The following ADGRL4 variants were observed in gnomAD, a reference collection of about 807,000 sequenced individuals.
ADGRL4 encodes the protein EGF, latrophilin and seven transmembrane domain containing 1.
In ADGRL4, 90 loss-of-function variants were observed where a neutral mutation model predicts 74.8. The observed-to-expected ratio is 1.20, with a 90% CI of 1.02 to 1.43. ADGRL4 has a LOEUF of 1.43. ADGRL4 is among the 40% of genes most tolerant of loss of function. The pLI, the probability that ADGRL4 is intolerant of heterozygous loss-of-function variation, is 0.00. For missense variants in ADGRL4, 881 were observed against 814.3 expected (o/e 1.08, Z -1.00); for synonymous variants, 311 against 279.2 (o/e 1.11, Z -1.14).
rs5775467 is a variant in ADGRL4 at position 78,917,615 on chromosome 1, CA to C, written c.1749+18del. The C allele has an allele frequency of 0.52, 786,425 of 1,522,438 alleles. 206,426 individuals are homozygous for C. The highest frequency in any genetic ancestry group is 0.57 in the Admixed American group (29,023 of 50,944). 94.3% of individuals were successfully genotyped at this position (1,522,438 alleles called of 1,614,324 possible). On this transcript the variant is annotated intron_variant, in intron 12 of 14. Transcript: ENST00000370742. The stretch of plus-strand genomic sequence containing the variant: ...TCATCACTTTTTTGAATTGTAATAA[CA>C]ATTTTATATATACATACAAGAATGA...
rs1175837045 is a variant in ADGRL4, at chr1:79,006,643, G to A, written c.12C>T (p.Leu4=). The change falls in exon 1 of 15, where the codon CTC becomes CTT. Residue 4 remains leucine (L), a synonymous_variant. Transcript: ENST00000370742. ...GCGCTGAGCACTCACCTAGGAGCGG[G>A]AGGCGTTTCATTGGCGGTGGCCGCA... MKR[L]PLLVVFSTLL... is the part of the protein sequence containing the mutation. 1 of 1,518,688 alleles carries A rather than the reference G, an allele frequency of 6.6e-7. No individual in the cohort carries two copies. 94.1% of individuals were successfully genotyped at this position (1,518,688 alleles called of 1,614,324 possible).
rs527499233 is a variant in ADGRL4 at position 78,979,945 on chromosome 1, C to T, written c.172+25125G>A. Among the ~76,000 whole-genome samples the T allele has an allele frequency of 1.2e-3, 181 of 151,886 alleles. 7 individuals are homozygous for T. In the South Asian group the frequency reaches 0.037, roughly 31 times the overall value. ...TACATATTGGGTACAGGGTACACTG[C>T]TTGAATCACAGGTGCACCAAAATCT... On this transcript the variant is annotated intron_variant, in intron 2 of 14. Transcript: ENST00000370742.
At chr1:78,961,011 G>A (rs185691660) in intron 2 of ADGRL4, among the ~76,000 whole-genome samples, 1 of 152,236 alleles carries the variant, frequency 6.6e-6, no homozygotes, top group African/African-American at 2.4e-5. Context: ...AATAAATTGA[G>A]TAAGTTTTTT....
chr1:78,891,831 A>T, intron 13 of ADGRL4, 139 bp from the exon 14 acceptor site: 1 of 676,426 alleles, frequency 1.5e-6, no homozygotes. Context: ...GAATTTCCAA[A>T]CTGCTAAGTT....
In ADGRL4 at chr1:78,946,380, A is replaced by C. The variant is rs1181573308; in HGVS notation, c.219T>G (p.Ala73=). 1 of 1,613,116 alleles carries C rather than the reference A, an allele frequency of 6.2e-7. No homozygotes were observed. The highest frequency in any genetic ancestry group is 1.1e-5 in the South Asian group (1 of 90,972). Residue 73 remains alanine (A), a synonymous_variant, in exon 3 of 15, where the codon GCT becomes GCG. Coordinates refer to ENST00000370742, the MANE Select transcript of ADGRL4 (RefSeq NM_022159.4). ...AACTTCCTTCTGTGTTAGTGCAATT[A>C]GCATTTTCGCCACAGGACTGAGTTA... The part of the protein sequence containing the change: ...GNLTQSCGEN[A]NCTNTEGSYY...
chr1:78,986,706 T>C (rs894252334), intron 2 of ADGRL4, among the ~76,000 whole-genome samples: 22 of 151,832 alleles, frequency 1.4e-4, no homozygotes, highest in African/African-American at 4.8e-4. Context: ...ACTTATAAAA[T>C]AACATTCAAA....
intron 2 of ADGRL4, among the ~76,000 whole-genome samples, chr1:78,960,840 G>T (rs1649937385): frequency 6.6e-6 from 1 of 152,134 alleles, no homozygotes; most frequent in South Asian, 2.1e-4. Flanking sequence ...CAATGAATCT[G>T]CAGTGCTTTG....
chr1:78,962,116 G>A (rs1649965950), intron 2 of ADGRL4, among the ~76,000 whole-genome samples: 1 of 152,078 alleles, frequency 6.6e-6, no homozygotes. Flanking sequence ...CCTGACCTCA[G>A]GTGATCCACT....
At chr1:78,950,005 C>T (rs2100698464) in intron 2 of ADGRL4, among the ~76,000 whole-genome samples, 1 of 152,160 alleles carries the variant, frequency 6.6e-6, no homozygotes, top group Middle Eastern at 3.4e-3. Context: ...GTATCCATAG[C>T]TACTGGAGAA....
intron 5 of ADGRL4, 31 bp downstream of exon 5, chr1:78,938,069 A>G (rs375748687): frequency 1.9e-6 from 3 of 1,608,112 alleles, no homozygotes; most frequent in African/African-American, 2.7e-5. Flanking sequence ...TCAAAGCTCA[A>G]TTATATTGAG....
intron 8 of ADGRL4, among the ~76,000 whole-genome samples, chr1:78,922,666 T>A (rs2100673812): frequency 6.6e-6 from 1 of 152,170 alleles, no homozygotes; most frequent in African/African-American, 2.4e-5. Flanking sequence ...AGGTGCTTGC[T>A]TTCTTATTTT....
chr1:78,926,737 C>CA (rs1174830718), intron 8 of ADGRL4, 149 bp downstream of exon 8: 16 of 571,376 alleles, frequency 2.8e-5, no homozygotes, highest in Non-Finnish European at 3.9e-5. Flanking sequence ...ATATTTTATA[C>CA]AAAAATTAGT....
At chr1:78,926,178 T>G (rs1649111038) in intron 8 of ADGRL4, among the ~76,000 whole-genome samples, 1 of 152,074 alleles carries the variant, frequency 6.6e-6, no homozygotes, top group Non-Finnish European at 1.5e-5. Flanking sequence ...AACTTCAAGG[T>G]ACTTCAAATG....
In ADGRL4 at chr1:78,891,498, A is replaced by G. The variant is rs759392236; in HGVS notation, c.2010+26T>C. 112 of 1,603,374 alleles carry G rather than the reference A, an allele frequency of 7.0e-5. 1 individual carries two copies. The highest frequency in any genetic ancestry group is 8.9e-5 in the Non-Finnish European group (105 of 1,174,594). On this transcript the variant is annotated intron_variant, in intron 14 of 14. Coordinates refer to ENST00000370742, the MANE Select transcript of ADGRL4 (RefSeq NM_022159.4). Reference sequence around the variant, plus strand: ...ACTGATGTTACATGAATATACTAGGAACCACCAAAATAAGAAATTGTTTAC... The same window carrying G: ...ACTGATGTTACATGAATATACTAGGGACCACCAAAATAAGAAATTGTTTAC...
At chr1:78,894,504 CAAAT>C (rs1570206555) in intron 12 of ADGRL4, among the ~76,000 whole-genome samples, 1 of 151,704 alleles carries the variant, frequency 6.6e-6, no homozygotes, top group African/African-American at 2.4e-5. Context: ...TTTGTATGCT[CAAAT>C]AATTAACTGA....
At chr1:78,922,723 A>G (rs1462373477) in intron 8 of ADGRL4, among the ~76,000 whole-genome samples, 3 of 151,996 alleles carry the variant, frequency 2.0e-5, no homozygotes, top group Non-Finnish European at 2.9e-5. Context: ...ATGCTATATT[A>G]TGTTAAGAGG....
intron 2 of ADGRL4, among the ~76,000 whole-genome samples, chr1:78,947,789 A>C (rs1164880087): frequency 6.6e-6 from 1 of 152,176 alleles, no homozygotes; most frequent in Admixed American, 6.6e-5. Flanking sequence ...ACAGAGAGAA[A>C]TCACAGGAGA....
intron 12 of ADGRL4, among the ~76,000 whole-genome samples, chr1:78,909,480 C>T (rs1441235110): frequency 2.6e-5 from 4 of 151,738 alleles, no homozygotes; most frequent in Non-Finnish European, 2.9e-5. Context: ...GAGTAGAGAC[C>T]AGAGATGTTC....
chr1:78,905,182 T>C lies in ADGRL4; in HGVS notation c.1750-11993A>G, dbSNP rs543863952. Among the ~76,000 whole-genome samples the C allele has an allele frequency of 2.6e-5, 4 of 152,198 alleles. No individual in the cohort carries two copies. In the South Asian group the frequency reaches 8.3e-4, roughly 32 times the overall value. ...TCAGCAAAATAATTACTGAAATGGA[T>C]ATAATTCAAGAGTAAGTTGAGCATT... On this transcript the variant is annotated intron_variant, in intron 12 of 14. Transcript: ENST00000370742.
Sources: gnomAD v4.1 joint callset for allele counts (sites outside exome capture counted in the v4.1 genomes callset) on GRCh38, gnomAD v4.1.1 for gene constraint, MANE v1.5 for transcripts, NCBI Gene and HGNC (gene_info 2026-07-23, HGNC 2026-07-21) for gene names.